STOX1: variants seen among roughly 807,000 people sequenced by gnomAD.
The protein encoded by STOX1 is storkhead box 1, also known as storkhead-box protein 1.
In STOX1, 57 loss-of-function variants were observed where a neutral mutation model predicts 74.8. That is an observed-to-expected ratio of 0.76 (90% CI 0.62 to 0.95). The LOEUF (loss-of-function observed/expected upper bound fraction) is 0.95, where lower values mean the gene tolerates loss of function less well. Ranked by LOEUF, STOX1 falls within the 40% of genes least tolerant of loss-of-function variation. The pLI, the probability that STOX1 is intolerant of heterozygous loss-of-function variation, is 0.00. For missense variants in STOX1, 1,010 were observed against 1,117.0 expected (o/e 0.90, Z 1.37); for synonymous variants, 375 against 401.3 (o/e 0.93, Z 0.78).
chr10:68,889,191 C>T lies in STOX1; in HGVS notation c.2822+2573C>T, dbSNP rs147090799. Among the ~76,000 whole-genome samples, 1,317 of 152,262 alleles carry T rather than the reference C, an allele frequency of 8.6e-3. 18 individuals are homozygous for T. The highest frequency in any genetic ancestry group is 0.03 in the African/African-American group (1,238 of 41,552). On this transcript the variant is annotated intron_variant, in intron 3 of 3. Transcript: ENST00000298596. ...TTTTACAGTGTTACCAGTCTGGTCTCGAACTCCTGGGCTCAAGGGATTCTC... is the reference window on the plus strand; with the variant it reads ...TTTTACAGTGTTACCAGTCTGGTCTTGAACTCCTGGGCTCAAGGGATTCTC...
At chr10:68,831,390 T>C (rs866033134) in intron 1 of STOX1, among the ~76,000 whole-genome samples, 44 of 152,242 alleles carry the variant, frequency 2.9e-4, no homozygotes, top group African/African-American at 1.1e-3. Flanking sequence ...TTTCACCATG[T>C]TGGGCATGCT....
chr10:68,867,773 C>A (rs1840445077), intron 1 of STOX1, among the ~76,000 whole-genome samples: 1 of 152,238 alleles, frequency 6.6e-6, no homozygotes, highest in African/African-American at 2.4e-5. Flanking sequence ...TCAGCACTAT[C>A]CTTATATGCC....
At chr10:68,835,323 T>C (rs1839518836) in intron 1 of STOX1, among the ~76,000 whole-genome samples, 1 of 152,130 alleles carries the variant, frequency 6.6e-6, no homozygotes, top group Admixed American at 6.5e-5. Context: ...ATTACAGGCA[T>C]GAGCCACCGC....
At chr10:68,870,596 A>G (rs190056037) in intron 1 of STOX1, among the ~76,000 whole-genome samples, 8 of 152,368 alleles carry the variant, frequency 5.3e-5, no homozygotes, top group African/African-American at 1.9e-4. Flanking sequence ...ATTCTAGATT[A>G]TCTGGGTGGA....
chr10:68,860,334 G>A (rs1840233205), intron 1 of STOX1, among the ~76,000 whole-genome samples: 1 of 151,632 alleles, frequency 6.6e-6, no homozygotes, highest in African/African-American at 2.4e-5. Flanking sequence ...CACTTTGGGA[G>A]GCTGAGGCAG....
At position 68,884,422 on chromosome 10, in the gene STOX1, A is replaced by G. The variant is rs2131995345; in HGVS notation, c.626A>G (p.Asp209Gly). The G allele has an allele frequency of 3.7e-6, 6 of 1,614,066 alleles. No homozygotes were observed. In the East Asian group the frequency reaches 1.3e-4, roughly 36 times the overall value. The change falls in exon 3 of 4, where the codon GAT becomes GGT. Residue 209 changes from aspartate (D) to glycine (G), a missense_variant. Coordinates refer to ENST00000298596, the MANE Select transcript of STOX1 (RefSeq NM_152709.5). ...GAAAATAAGAGAATGCTGCCATCAG[A>G]TGAAAGTCGCCTGATGCCAGCTTCC... is the stretch of plus-strand genomic sequence containing the variant. ...TQENKRMLPS[D>G]ESRLMPASMT...
intron 1 of STOX1, among the ~76,000 whole-genome samples, chr10:68,854,796 G>T (rs191297649): frequency 9.1e-4 from 139 of 152,210 alleles, no homozygotes; most frequent in Admixed American, 1.5e-3. Context: ...GGCACCCCTG[G>T]TAACAAAGAG....
intron 1 of STOX1, among the ~76,000 whole-genome samples, chr10:68,833,080 GTT>G (rs1185911507): frequency 0.011 from 1,123 of 104,498 alleles, 4 homozygotes; most frequent in East Asian, 0.028. Flanking sequence ...ACTTCTGTGG[GTT>G]TTTTTTTTTT....
At chr10:68,876,827 C>T (rs1452227929) in intron 1 of STOX1, among the ~76,000 whole-genome samples, 1 of 152,174 alleles carries the variant, frequency 6.6e-6, no homozygotes, top group African/African-American at 2.4e-5. Flanking sequence ...AAGGTCTGGC[C>T]TTCTCTTATT....
chr10:68,850,260 G>A (rs1428282628), intron 1 of STOX1, among the ~76,000 whole-genome samples: 7 of 152,110 alleles, frequency 4.6e-5, no homozygotes, highest in East Asian at 1.9e-4. Flanking sequence ...TGCCTGCCTC[G>A]GCCTCCCAAA....
intron 1 of STOX1, among the ~76,000 whole-genome samples, chr10:68,869,715 A>G (rs1840492751): frequency 6.6e-6 from 1 of 152,192 alleles, no homozygotes; most frequent in Admixed American, 6.5e-5. Context: ...AAATATGATC[A>G]GGGAACATTG....
At chr10:68,865,730 G>A (rs1264076085) in intron 1 of STOX1, among the ~76,000 whole-genome samples, 2 of 152,188 alleles carry the variant, frequency 1.3e-5, no homozygotes, top group African/African-American at 4.8e-5. Flanking sequence ...CCCCTAGGTT[G>A]TATAACTGAA....
At chr10:68,831,590 C>T (rs1839413819) in intron 1 of STOX1, among the ~76,000 whole-genome samples, 1 of 152,098 alleles carries the variant, frequency 6.6e-6, no homozygotes, top group Non-Finnish European at 1.5e-5. Flanking sequence ...GGATGGCGGT[C>T]AGCTTTATAA....
chr10:68,855,764 CAAAA>C (rs770484086), intron 1 of STOX1, among the ~76,000 whole-genome samples: 3 of 147,834 alleles, frequency 2.0e-5, no homozygotes, highest in Admixed American at 6.7e-5. Flanking sequence ...AAAAAAAAAA[CAAAA>C]AAAGACTCTT....
At chr10:68,836,416 T>G (rs556880155) in intron 1 of STOX1, among the ~76,000 whole-genome samples, 1 of 152,334 alleles carries the variant, frequency 6.6e-6, no homozygotes, top group African/African-American at 2.4e-5. Context: ...TGGATTCTTG[T>G]TCACTAGACA....
At position 68,855,112 on chromosome 10, in the gene STOX1, T is replaced by C. The variant is rs1467434557; in HGVS notation, c.311-26846T>C. Among the ~76,000 whole-genome samples the C allele has an allele frequency of 2.8e-5, 3 of 106,924 alleles. No individual in the cohort carries two copies. In the South Asian group the frequency reaches 9.9e-4, roughly 35 times the overall value. The allele number at this position is 106,924 out of a possible 152,430, so 70.1% of individuals were successfully genotyped here. A position where few individuals can be genotyped will look rare whatever the true frequency, so the allele number is the denominator to read the frequency against. ...CAGCCTGGGTGACAGAAAGACTGTT[T>C]CTTAAAAAAAAATTTTTTTTTTTTT... On this transcript the variant is annotated intron_variant, in intron 1 of 3. Coordinates refer to ENST00000298596, the MANE Select transcript of STOX1 (RefSeq NM_152709.5).
chr10:68,851,151 TAA>T (rs1839973460), intron 1 of STOX1, among the ~76,000 whole-genome samples: 1 of 148,486 alleles, frequency 6.7e-6, no homozygotes, highest in South Asian at 2.1e-4. Context: ...CCACAAACAA[TAA>T]ATTAGCAAGG....
At position 68,885,628 on chromosome 10, in the gene STOX1, G is replaced by A; in HGVS notation, c.1832G>A (p.Gly611Asp). 6.2e-7 allele frequency: 1 copy of A among 1,614,176 alleles called. No homozygotes were observed. The highest frequency in any genetic ancestry group is 2.2e-5 in the East Asian group (1 of 44,884). Residue 611 changes from glycine to aspartate, a missense_variant, in exon 3 of 4, where the codon GGT (glycine) becomes GAT (aspartate). Coordinates refer to ENST00000298596, the MANE Select transcript of STOX1 (RefSeq NM_152709.5). Reference sequence around the variant, plus strand: ...AGCATGTTGAGATATGAAGTGTATGGTGGAGAAAATGAGGTAATTCCTGAA... The same window carrying A: ...AGCATGTTGAGATATGAAGTGTATGATGGAGAAAATGAGGTAATTCCTGAA... ...MESMLRYEVY[G>D]GENEVIPEVL...
chr10:68,840,936 T>C (rs1474210782), intron 1 of STOX1, among the ~76,000 whole-genome samples: 1 of 151,210 alleles, frequency 6.6e-6, no homozygotes, highest in East Asian at 1.9e-4. Context: ...CACTTGTAAA[T>C]GTTCTTGCTT....
Sources: allele counts gnomAD v4.1 joint callset (sites outside exome capture counted in the v4.1 genomes callset), GRCh38; gene constraint gnomAD v4.1.1; transcripts MANE v1.5; gene names NCBI Gene and HGNC (gene_info 2026-07-23, HGNC 2026-07-21).